LRFN5: variants seen among roughly 807,000 people sequenced by gnomAD.
LRFN5 encodes leucine rich repeat and fibronectin type III domain containing 5.
LRFN5 carries 24 observed loss-of-function variants against 45.6 expected under a neutral mutation model. The ratio of observed to expected loss-of-function variants is 0.53; its 90% CI spans 0.38 to 0.74. The LOEUF (loss-of-function observed/expected upper bound fraction) is 0.74. Among genes scored for constraint, LRFN5 ranks in the 30% least tolerant of loss-of-function variants. The pLI is 0.00. For missense variants in LRFN5, 776 were observed against 861.5 expected, an observed-to-expected ratio of 0.90 and a Z score of 1.24; for synonymous variants, 340 against 313.8, an observed-to-expected ratio of 1.08 and a Z score of -0.88.
rs117429751 is a variant in LRFN5 at position 41,665,356 on chromosome 14, G to A, written c.-197+56794G>A. On this transcript the variant is annotated intron_variant, in intron 1 of 5. Transcript: ENST00000298119. The stretch of plus-strand genomic sequence containing the variant: ...ATTTATATAAGGGATTAACAAATGA[G>A]GGATGAGAGGTAACATTCAGATAAT... 9.3e-3 allele frequency among the ~76,000 whole-genome samples: 1,410 copies of A among 152,020 alleles called. 6 individuals carry two copies. Among genetic ancestry groups the A allele is most frequent in the East Asian group, 0.02 (103 of 5,170 alleles).
chr14:41,894,926 G>C, intron 4 of LRFN5: 7 of 983,244 alleles, frequency 7.1e-6, no homozygotes, highest in Non-Finnish European at 7.2e-6. Flanking sequence ...TGAAGCATCT[G>C]GTTTGCTGTT....
intron 2 of LRFN5, among the ~76,000 whole-genome samples, chr14:41,823,015 A>G (rs1879269730): frequency 6.6e-6 from 1 of 151,560 alleles, no homozygotes; most frequent in East Asian, 1.9e-4. Context: ...TTTCCACCCG[A>G]GTCTATAAGT....
rs75149739 is a variant in LRFN5 at position 41,704,440 on chromosome 14, C to T, written c.-196-62414C>T. Among the ~76,000 whole-genome samples the T allele has an allele frequency of 1.0e-3, 128 of 125,358 alleles. 1 individual carries two copies. The highest frequency in any genetic ancestry group is 1.9e-3 in the Non-Finnish European group (118 of 62,538). The allele number at this position is 125,358 out of a possible 152,430, so 82.2% of individuals were successfully genotyped here. A position where few individuals can be genotyped will look rare whatever the true frequency, so the allele number is the denominator to read the frequency against. The stretch of plus-strand genomic sequence containing the variant: ...TCTCTCTCTCTCTCTCTCTCTCTCT[C>T]TCTCTCTCTGTGTGTGTGTGTCTGT... On this transcript the variant is annotated intron_variant, in intron 1 of 5. Transcript: ENST00000298119.
At chr14:41,646,737 C>T (rs1166029843) in intron 1 of LRFN5, among the ~76,000 whole-genome samples, 1 of 152,162 alleles carries the variant, frequency 6.6e-6, no homozygotes, top group Non-Finnish European at 1.5e-5. Flanking sequence ...CTGTGCATGA[C>T]AATGCTCACT....
intron 1 of LRFN5, among the ~76,000 whole-genome samples, chr14:41,712,231 G>T (rs1883313409): frequency 6.6e-6 from 1 of 152,102 alleles, no homozygotes; most frequent in African/African-American, 2.4e-5. Flanking sequence ...TTCAAGACAG[G>T]ATTAAAAACT....
intron 2 of LRFN5, among the ~76,000 whole-genome samples, chr14:41,853,576 T>A (rs1889348392): frequency 6.6e-6 from 1 of 151,998 alleles, no homozygotes; most frequent in Non-Finnish European, 1.5e-5. Context: ...TTACATTAGG[T>A]TTCCATTTTG....
Position 41,904,331 on chromosome 14 carries a change from G to T in LRFN5, c.*156G>T. The T allele has an allele frequency of 1.1e-6, 1 of 880,482 alleles. No individual in the cohort carries two copies. The highest frequency in any genetic ancestry group is 1.6e-5 in the South Asian group (1 of 64,358). The allele number at this position is 880,482 out of a possible 1,614,324, so 54.5% of individuals were successfully genotyped here. A position where few individuals can be genotyped will look rare whatever the true frequency, so the allele number is the denominator to read the frequency against. ...GCCAAGGTGAAAGTCTCTGATGACG[G>T]CGGAACTGGCTCCATTAGACCATGG... On this transcript the variant is annotated 3_prime_UTR_variant, in exon 6 of 6. Coordinates refer to ENST00000298119, the MANE Select transcript of LRFN5 (RefSeq NM_152447.5).
At chr14:41,711,318 G>T (rs1427448694) in intron 1 of LRFN5, among the ~76,000 whole-genome samples, 1 of 152,140 alleles carries the variant, frequency 6.6e-6, no homozygotes, top group Non-Finnish European at 1.5e-5. Flanking sequence ...AGTCATAGAA[G>T]ACGTTGAGCT....
chr14:41,650,236 T>TACACACACACACACACACACACACAC (rs1555351105), intron 1 of LRFN5, among the ~76,000 whole-genome samples: 1 of 128,168 alleles, frequency 7.8e-6, no homozygotes, highest in Non-Finnish European at 1.6e-5. Flanking sequence ...TCTACAAAAA[T>TACACACACACACACACACACACACAC]ACACACACAC....
intron 1 of LRFN5, among the ~76,000 whole-genome samples, chr14:41,688,911 A>C (rs1259511583): frequency 3.6e-5 from 1 of 27,516 alleles, no homozygotes; most frequent in African/African-American, 3.1e-4. Flanking sequence ...TATTTCTACC[A>C]AAAAAAAAAA....
At chr14:41,745,685 T>TATC (rs1884891605) in intron 1 of LRFN5, among the ~76,000 whole-genome samples, 1 of 151,988 alleles carries the variant, frequency 6.6e-6, no homozygotes, top group African/African-American at 2.4e-5. Context: ...GAAATGAAAG[T>TATC]GGAGATGTTA....
intron 2 of LRFN5, among the ~76,000 whole-genome samples, chr14:41,876,703 CT>C (rs1890202204): frequency 1.3e-5 from 2 of 152,194 alleles, no homozygotes; most frequent in Admixed American, 6.5e-5. Context: ...TACCTGCCCT[CT>C]CTTTCATCCT....
At chr14:41,636,357 T>G (rs1391461951) in intron 1 of LRFN5, among the ~76,000 whole-genome samples, 3 of 152,122 alleles carry the variant, frequency 2.0e-5, no homozygotes, top group African/African-American at 4.8e-5. Flanking sequence ...AGTTAAACAT[T>G]TTCATTTTTG....
intron 1 of LRFN5, among the ~76,000 whole-genome samples, chr14:41,624,538 G>A (rs1181720726): frequency 6.6e-6 from 1 of 152,110 alleles, no homozygotes; most frequent in African/African-American, 2.4e-5. Context: ...GTATGATTCT[G>A]CAGGGAATCT....
intron 2 of LRFN5, among the ~76,000 whole-genome samples, chr14:41,828,529 C>T (rs533225391): frequency 6.6e-6 from 1 of 152,088 alleles, no homozygotes; most frequent in South Asian, 2.1e-4. Flanking sequence ...AACTCATGAT[C>T]GTTTTCTGAA....
intron 1 of LRFN5, among the ~76,000 whole-genome samples, chr14:41,674,031 G>C (rs1173212642): frequency 6.9e-6 from 1 of 144,946 alleles, no homozygotes; most frequent in Non-Finnish European, 1.5e-5. Context: ...GCCGGGCAGA[G>C]AGGCTCCTCA....
intron 2 of LRFN5, among the ~76,000 whole-genome samples, chr14:41,811,280 G>A (rs1221061762): frequency 6.6e-6 from 1 of 152,010 alleles, no homozygotes; most frequent in Non-Finnish European, 1.5e-5. Flanking sequence ...ACAAGTGTTA[G>A]TGAGCATGTC....
chr14:41,878,454 A>G (rs1890262469), intron 2 of LRFN5, among the ~76,000 whole-genome samples: 2 of 152,136 alleles, frequency 1.3e-5, no homozygotes, highest in African/African-American at 4.8e-5. Context: ...TTTATATTCC[A>G]TCCTGGTTCC....
At chr14:41,902,827 T>C (rs936395530) in intron 5 of LRFN5, among the ~76,000 whole-genome samples, 2 of 151,760 alleles carry the variant, frequency 1.3e-5, no homozygotes, top group South Asian at 2.1e-4. Flanking sequence ...AGGGAGTATA[T>C]CACTTGAAAT....
Sources: allele counts gnomAD v4.1 joint callset (sites outside exome capture counted in the v4.1 genomes callset), GRCh38; gene constraint gnomAD v4.1.1; transcripts MANE v1.5; gene names NCBI Gene and HGNC (gene_info 2026-07-23, HGNC 2026-07-21).